Variants in SHC3 observed in about 807,000 individuals in gnomAD.
The protein encoded by SHC3 is SHC adaptor protein 3.
Under a neutral mutation model 60.4 loss-of-function variants are expected in SHC3, and 15 were observed. The ratio of observed to expected loss-of-function variants is 0.25; its 90% CI spans 0.17 to 0.38. SHC3 has a LOEUF of 0.38. Among genes scored for constraint, SHC3 ranks in the 10% least tolerant of loss-of-function variants. The probability of loss-of-function intolerance (pLI) is 1.00; values close to 1 mark genes in which losing one functional copy is unlikely to be tolerated. For missense variants in SHC3, 677 were observed against 786.1 expected, an observed-to-expected ratio of 0.86 and a Z score of 1.66; for synonymous variants, 294 against 325.9, an observed-to-expected ratio of 0.90 and a Z score of 1.05.
intron 5 of SHC3, among the ~76,000 whole-genome samples, chr9:89,068,722 T>C (rs1047441339): frequency 6.6e-6 from 1 of 152,132 alleles, no homozygotes; most frequent in Non-Finnish European, 1.5e-5. Flanking sequence ...TATAGTCCTA[T>C]GTGCATCCTG....
chr9:89,137,443 T>C (rs1044236553), intron 1 of SHC3, among the ~76,000 whole-genome samples: 3 of 152,082 alleles, frequency 2.0e-5, no homozygotes, highest in Non-Finnish European at 4.4e-5. Context: ...AATTAGGACA[T>C]CCAAAAAATC....
At chr9:89,171,247 G>T (rs202055855) in intron 1 of SHC3, among the ~76,000 whole-genome samples, 13 of 134,938 alleles carry the variant, frequency 9.6e-5, no homozygotes, top group South Asian at 2.3e-4. Context: ...TTTTTTTTTT[G>T]AAAAAAACAG....
At chr9:89,070,940 G>T (rs1237415934) in intron 5 of SHC3, among the ~76,000 whole-genome samples, 1 of 152,166 alleles carries the variant, frequency 6.6e-6, no homozygotes, top group Non-Finnish European at 1.5e-5. Flanking sequence ...TTCATCACCT[G>T]GTAAGAACGC....
At chr9:89,046,808 C>A in intron 8 of SHC3, 36 bp downstream of exon 8, 1 of 1,466,598 alleles carries the variant, frequency 6.8e-7, no homozygotes, top group Non-Finnish European at 9.0e-7. Context: ...GAGTTAGCCT[C>A]CATTCCTTAT....
chr9:89,131,515 T>C (rs1826244226), intron 1 of SHC3, among the ~76,000 whole-genome samples: 1 of 152,148 alleles, frequency 6.6e-6, no homozygotes, highest in Non-Finnish European at 1.5e-5. Context: ...CTCAATAAAA[T>C]ACTGGCAAAC....
chr9:89,032,298 G>T (rs184944608), intron 11 of SHC3, among the ~76,000 whole-genome samples: 32 of 152,298 alleles, frequency 2.1e-4, no homozygotes, highest in Non-Finnish European at 2.9e-5. Flanking sequence ...GCGTTGGATT[G>T]TCATCAATGT....
chr9:89,037,268 A>G, intron 11 of SHC3: 1 of 491,060 alleles, frequency 2.0e-6, no homozygotes. Context: ...AGAAAATGCA[A>G]TGTTCTTAAC....
At chr9:89,066,063 T>C (rs1296374797) in intron 5 of SHC3, among the ~76,000 whole-genome samples, 1 of 152,178 alleles carries the variant, frequency 6.6e-6, no homozygotes, top group Non-Finnish European at 1.5e-5. Context: ...GTGAACCACA[T>C]GTTAAGAACC....
At chr9:89,162,386 A>G (rs1180566780) in intron 1 of SHC3, among the ~76,000 whole-genome samples, 1 of 152,234 alleles carries the variant, frequency 6.6e-6, no homozygotes, top group African/African-American at 2.4e-5. Context: ...TACTGGTGAC[A>G]AAACAGAGAT....
At chr9:89,126,011 G>A (rs1244731198) in intron 1 of SHC3, among the ~76,000 whole-genome samples, 3 of 152,064 alleles carry the variant, frequency 2.0e-5, no homozygotes, top group Admixed American at 6.5e-5. Flanking sequence ...TTTCTTGTGC[G>A]AGATCCAAGA....
In SHC3 at chr9:89,042,133, G is replaced by A. The variant is rs571776171; in HGVS notation, c.1253C>T (p.Thr418Met). ...GTTGACGTAGGTGGGTGCTTCTCCC[G>A]TGGGGGCCACGTGCAGTTTCCCTTC... ...TPEGKLHVAP[T>M]GEAPTYVNTQ... is the part of the protein sequence containing the mutation. Residue 418 changes from threonine to methionine, a missense_variant, in exon 10 of 12, where the codon ACG becomes ATG. Thr to Met is a moderately conservative substitution (Grantham distance 81). Coordinates refer to ENST00000375835, the MANE Select transcript of SHC3 (RefSeq NM_016848.6). 42 of 1,567,032 alleles carry A rather than the reference G, an allele frequency of 2.7e-5. No individual in the cohort carries two copies. The highest frequency in any genetic ancestry group is 6.3e-5 in the Admixed American group (3 of 47,734).
At chr9:89,020,489 G>A (rs1022614689) in intron 11 of SHC3, among the ~76,000 whole-genome samples, 1 of 152,120 alleles carries the variant, frequency 6.6e-6, no homozygotes, top group Non-Finnish European at 1.5e-5. Context: ...GAAGGTGAGG[G>A]CTCCTCCTCT....
chr9:89,045,646 T>A (rs1019071190), intron 9 of SHC3, 100 bp downstream of exon 9: 1 of 975,740 alleles, frequency 1.0e-6, no homozygotes, highest in Non-Finnish European at 1.6e-6. Context: ...TATCCAGGGG[T>A]CACTCTGTCA....
At chr9:89,103,290 C>T (rs1587728568) in intron 2 of SHC3, among the ~76,000 whole-genome samples, 2 of 152,054 alleles carry the variant, frequency 1.3e-5, no homozygotes, top group East Asian at 1.9e-4. Context: ...AACAGGTATT[C>T]GTAATTGAAC....
chr9:89,174,081 C>T (rs1214510253), intron 1 of SHC3, among the ~76,000 whole-genome samples: 2 of 151,900 alleles, frequency 1.3e-5, no homozygotes, highest in African/African-American at 4.8e-5. Context: ...TCTTTGCTCA[C>T]AGTTACCAAA....
At chr9:89,163,651 G>A (rs1376347157) in intron 1 of SHC3, among the ~76,000 whole-genome samples, 1 of 148,286 alleles carries the variant, frequency 6.7e-6, no homozygotes, top group Non-Finnish European at 1.5e-5. Flanking sequence ...GCTAGATGAC[G>A]AGTTAGTGGG....
At chr9:89,113,588 G>A (rs1825981054) in intron 1 of SHC3, among the ~76,000 whole-genome samples, 1 of 152,124 alleles carries the variant, frequency 6.6e-6, no homozygotes, top group Non-Finnish European at 1.5e-5. Flanking sequence ...ATTTATCTGA[G>A]CCTGTCTATA....
At chr9:89,124,166 C>A (rs924869714) in intron 1 of SHC3, among the ~76,000 whole-genome samples, 14 of 151,632 alleles carry the variant, frequency 9.2e-5, no homozygotes, top group Admixed American at 7.9e-4. Flanking sequence ...GTTAGAATGG[C>A]TTTCATTAAA....
Position 89,059,775 on chromosome 9 carries a change from G to C in SHC3, c.835+5754C>G, listed in dbSNP as rs1465557546. Reference sequence around the variant, plus strand: ...AGGATGGTGGTGGAGGATGGTGGTGGAGGATGGTGGTGGAGGACGTTGTGG... The same window carrying C: ...AGGATGGTGGTGGAGGATGGTGGTGCAGGATGGTGGTGGAGGACGTTGTGG... On this transcript the variant is annotated intron_variant, in intron 6 of 11. Transcript: ENST00000375835. 5.3e-3 allele frequency among the ~76,000 whole-genome samples: 769 copies of C among 145,186 alleles called. 1 individual carries two copies. Among genetic ancestry groups the C allele is most frequent in the Non-Finnish European group, 6.3e-3 (416 of 65,680 alleles).
Sources: gnomAD v4.1 joint callset for allele counts (sites outside exome capture counted in the v4.1 genomes callset) on GRCh38, gnomAD v4.1.1 for gene constraint, MANE v1.5 for transcripts, NCBI Gene and HGNC (gene_info 2026-07-23, HGNC 2026-07-21) for gene names.